The following STX8 variants were observed in gnomAD, a reference collection of about 807,000 sequenced individuals.
STX8 encodes syntaxin-8.
In STX8, 23 loss-of-function variants were observed where a neutral mutation model predicts 37.5. The ratio of observed to expected loss-of-function variants is 0.61; its 90% CI spans 0.44 to 0.87. The LOEUF (loss-of-function observed/expected upper bound fraction) is 0.87, where lower values mean the gene tolerates loss of function less well. Among genes scored for constraint, STX8 ranks in the 40% least tolerant of loss-of-function variants. STX8 has a pLI of 0.00. For missense variants in STX8, 313 were observed against 284.7 expected (o/e 1.10, Z -0.71); for synonymous variants, 115 against 99.1 (o/e 1.16, Z -0.95).
At chr17:9,522,063 C>T (rs1205059989) in intron 4 of STX8, among the ~76,000 whole-genome samples, 1 of 152,096 alleles carries the variant, frequency 6.6e-6, no homozygotes, top group Non-Finnish European at 1.5e-5. Context: ...ACTCAAATTT[C>T]AAAACCCCAG....
chr17:9,481,079 T>C (rs1047219475), intron 6 of STX8, among the ~76,000 whole-genome samples: 2 of 152,102 alleles, frequency 1.3e-5, no homozygotes, highest in African/African-American at 4.8e-5. Context: ...AGAGACAGGT[T>C]TCACCATGTA....
intron 6 of STX8, among the ~76,000 whole-genome samples, chr17:9,485,039 G>A (rs557544755): frequency 3.0e-4 from 46 of 152,220 alleles, no homozygotes; most frequent in African/African-American, 8.7e-4. Flanking sequence ...CTGTGGTCCC[G>A]GCTACTGAGG....
At position 9,475,397 on chromosome 17, in the gene STX8, A is replaced by G. The variant is rs1567576677; in HGVS notation, c.541+16432T>C. Among the ~76,000 whole-genome samples, 3 of 152,228 alleles carry G rather than the reference A, an allele frequency of 2.0e-5. 1 individual carries two copies. The highest frequency in any genetic ancestry group is 2.0e-4 in the Admixed American group (3 of 15,282). On this transcript the variant is annotated intron_variant, in intron 6 of 7. Transcript: ENST00000306357. ...TGGAGAGGCTCCAAGCTTAGAGTCA[A>G]TGGCTATTGGCAGCCACAGAATGGC...
At chr17:9,498,105 C>T (rs1013232388) in intron 5 of STX8, among the ~76,000 whole-genome samples, 1 of 152,106 alleles carries the variant, frequency 6.6e-6, no homozygotes, top group Non-Finnish European at 1.5e-5. Flanking sequence ...AAAATCAGGT[C>T]ACCCAGGTGC....
At chr17:9,542,004 ATTT>A (rs35489488) in intron 4 of STX8, among the ~76,000 whole-genome samples, 93 of 144,170 alleles carry the variant, frequency 6.5e-4, no homozygotes, top group Middle Eastern at 3.6e-3. Flanking sequence ...AAACATTTGT[ATTT>A]TTTTTTTTTT....
In STX8 at chr17:9,284,869, C is replaced by T. The variant is rs76368781; in HGVS notation, c.644-34224G>A. On this transcript the variant is annotated intron_variant, in intron 7 of 7. Coordinates refer to ENST00000306357, the MANE Select transcript of STX8 (RefSeq NM_004853.3). ...TCTAGGGGCCGAAACACGCAAGATC[C>T]TTCTCAGTTCTCTCCCTTAGTCTTA... is the stretch of plus-strand genomic sequence containing the variant. Among the ~76,000 whole-genome samples, 480 of 152,230 alleles carry T rather than the reference C, an allele frequency of 3.2e-3. 2 individuals carry two copies. Among genetic ancestry groups the T allele is most frequent in the African/African-American group, 0.011 (472 of 41,516 alleles).
chr17:9,295,753 A>C (rs34138869), intron 7 of STX8, among the ~76,000 whole-genome samples: 5,217 of 151,138 alleles, frequency 0.035, 139 homozygotes, highest in Non-Finnish European at 0.054. Context: ...CCTCCCCCCC[A>C]AAAAAAGGAG....
chr17:9,274,246 G>A (rs1029084367), intron 7 of STX8, among the ~76,000 whole-genome samples: 4 of 152,094 alleles, frequency 2.6e-5, no homozygotes, highest in African/African-American at 9.7e-5. Flanking sequence ...CTTGGGTGGA[G>A]GTTAGATCTC....
chr17:9,472,879 G>GA (rs1905932982), intron 6 of STX8, among the ~76,000 whole-genome samples: 2 of 152,278 alleles, frequency 1.3e-5, no homozygotes, highest in Non-Finnish European at 2.9e-5. Context: ...TGCGTGGCCA[G>GA]GGTCAAGACC....
intron 7 of STX8, among the ~76,000 whole-genome samples, chr17:9,374,765 C>A (rs752868685): frequency 1.3e-5 from 2 of 151,810 alleles, no homozygotes; most frequent in African/African-American, 2.4e-5. Flanking sequence ...AAAGTATTTC[C>A]ATTAAAAGAA....
intron 7 of STX8, among the ~76,000 whole-genome samples, chr17:9,338,297 G>A (rs943339909): frequency 2.0e-5 from 3 of 151,894 alleles, no homozygotes; most frequent in Non-Finnish European, 2.9e-5. Flanking sequence ...CAGGTGATCC[G>A]CCTACATCAG....
intron 1 of STX8, 146 bp downstream of exon 1, chr17:9,575,646 A>C (rs1907879657): frequency 2.0e-6 from 2 of 983,622 alleles, no homozygotes; most frequent in African/African-American, 3.2e-5. Context: ...GATGTGGCTG[A>C]GCCCCCTCAG....
chr17:9,356,392 A>G (rs1045008702), intron 7 of STX8, among the ~76,000 whole-genome samples: 1 of 152,210 alleles, frequency 6.6e-6, no homozygotes, highest in South Asian at 2.1e-4. Flanking sequence ...AAGGCTGGAA[A>G]AACATGTCAG....
At chr17:9,269,889 G>A (rs1285947480) in intron 7 of STX8, among the ~76,000 whole-genome samples, 3 of 152,146 alleles carry the variant, frequency 2.0e-5, no homozygotes, top group African/African-American at 4.8e-5. Context: ...GAAAACACCC[G>A]CTCCTCAGGG....
intron 4 of STX8, among the ~76,000 whole-genome samples, chr17:9,516,341 A>ATG (rs1241814520): frequency 1.5e-5 from 2 of 132,954 alleles, no homozygotes; most frequent in Non-Finnish European, 3.2e-5. Context: ...ATATATATAT[A>ATG]TAGACACCTG....
At position 9,524,227 on chromosome 17, in the gene STX8, G is replaced by T. The variant is rs144753389; in HGVS notation, c.324-19065C>A. Among the ~76,000 whole-genome samples, 438 of 152,328 alleles carry T rather than the reference G, an allele frequency of 2.9e-3. 3 individuals carry two copies. Among genetic ancestry groups the T allele is most frequent in the African/African-American group, 1.0e-2 (414 of 41,576 alleles). On this transcript the variant is annotated intron_variant, in intron 4 of 7. Transcript: ENST00000306357. ...ATGTACAAATTTCTACCCACTTGCG[G>T]TATCAATTTCTGTCTCAGTCCTTTC...
intron 6 of STX8, among the ~76,000 whole-genome samples, chr17:9,380,264 T>G (rs1567804727): frequency 6.8e-6 from 1 of 147,000 alleles, no homozygotes; most frequent in African/African-American, 2.5e-5. Flanking sequence ...GTTTTTTTTT[T>G]TTTTTTTTTT....
At chr17:9,417,151 G>A (rs1206924831) in intron 6 of STX8, among the ~76,000 whole-genome samples, 1 of 152,118 alleles carries the variant, frequency 6.6e-6, no homozygotes, top group African/African-American at 2.4e-5. Flanking sequence ...AAGCTGATTT[G>A]AGTAATCAAC....
chr17:9,451,493 C>G (rs1256707004), intron 6 of STX8, among the ~76,000 whole-genome samples: 3 of 152,012 alleles, frequency 2.0e-5, no homozygotes, highest in Non-Finnish European at 4.4e-5. Context: ...AGCTATGACC[C>G]CTGCTAGGGT....
Sources: gnomAD v4.1 joint callset for allele counts (sites outside exome capture counted in the v4.1 genomes callset) on GRCh38, gnomAD v4.1.1 for gene constraint, MANE v1.5 for transcripts, NCBI Gene and HGNC (gene_info 2026-07-23, HGNC 2026-07-21) for gene names.